HFM1: variants seen among roughly 807,000 people sequenced by gnomAD.
HFM1 encodes the protein probable ATP-dependent DNA helicase HFM1.
Under a neutral mutation model 192.1 loss-of-function variants are expected in HFM1, and 169 were observed. The observed-to-expected ratio is 0.88, with a 90% CI of 0.78 to 1.00. HFM1 has a LOEUF of 1.00. Ranked by LOEUF, HFM1 falls within the 50% of genes least tolerant of loss-of-function variation. The pLI, the probability that HFM1 is intolerant of heterozygous loss-of-function variation, is 0.00. For missense variants in HFM1, 1,661 were observed against 1,668.0 expected (o/e 1.00, Z 0.07); for synonymous variants, 525 against 537.8 (o/e 0.98, Z 0.33).
chr1:91,283,456 T>A lies in HFM1; in HGVS notation c.3392-6394A>T, dbSNP rs190829695. Among the ~76,000 whole-genome samples the A allele has an allele frequency of 2.7e-3, 414 of 152,230 alleles. 1 individual carries two copies. The highest frequency in any genetic ancestry group is 9.1e-3 in the African/African-American group (379 of 41,554). ...ACAGGGTTTGTAAAGACCAGCCATGTTGCCCAGGCTGGTCTCGAACCTGTA... is the reference window on the plus strand; with the variant it reads ...ACAGGGTTTGTAAAGACCAGCCATGATGCCCAGGCTGGTCTCGAACCTGTA... On this transcript the variant is annotated intron_variant, in intron 30 of 38. Coordinates refer to ENST00000370425, the MANE Select transcript of HFM1 (RefSeq NM_001017975.6).
In HFM1 at chr1:91,262,289, A is replaced by C. The variant is rs369277085; in HGVS notation, c.4190T>G (p.Val1397Gly). Residue 1397 changes from valine to glycine, a missense_variant, in exon 38 of 39, where the codon GTG becomes GGG. Val to Gly is a moderately radical substitution (Grantham distance 109). Coordinates refer to ENST00000370425, the MANE Select transcript of HFM1 (RefSeq NM_001017975.6). ...KNPNSSNYKK[V>G]DFFIRNSECK... The stretch of plus-strand genomic sequence containing the variant: ...TTCACTGTTTCTAATAAAAAAATCC[A>C]CTTTTTTATAATTTGAAGAATTTGG... The C allele has an allele frequency of 8.0e-5, 118 of 1,476,546 alleles. No individual in the cohort carries two copies. Among genetic ancestry groups the C allele is most frequent in the Non-Finnish European group, 1.1e-4 (115 of 1,078,810 alleles). 91.5% of individuals were successfully genotyped at this position (1,476,546 alleles called of 1,614,324 possible).
At chr1:91,310,291 A>G (rs902014898) in intron 30 of HFM1, among the ~76,000 whole-genome samples, 3 of 152,224 alleles carry the variant, frequency 2.0e-5, no homozygotes, top group African/African-American at 7.2e-5. Flanking sequence ...ATGGATGGAA[A>G]AAAAAACTAG....
chr1:91,302,125 T>A (rs372868534), intron 30 of HFM1, among the ~76,000 whole-genome samples: 1 of 150,344 alleles, frequency 6.7e-6, no homozygotes, highest in Admixed American at 6.7e-5. Context: ...TCGTGAAGGA[T>A]ATGAACAGAC....
At chr1:91,282,648 G>A (rs1209350371) in intron 30 of HFM1, among the ~76,000 whole-genome samples, 1 of 152,026 alleles carries the variant, frequency 6.6e-6, no homozygotes, top group African/African-American at 2.4e-5. Context: ...CTAATTCAAG[G>A]TAGTCTAATT....
In HFM1 at chr1:91,314,072, T is replaced by C. The variant is rs769870707; in HGVS notation, c.3141-12A>G. The C allele has an allele frequency of 2.6e-6, 4 of 1,533,328 alleles. No homozygotes were observed. The highest frequency in any genetic ancestry group is 1.8e-6 in the Non-Finnish European group (2 of 1,109,646). 95.0% of individuals were successfully genotyped at this position (1,533,328 alleles called of 1,614,324 possible). Reference sequence around the variant, plus strand: ...GCAAAACAGAATCCCTGAAAAATAGTATAGTTTAAATAGTGATCCAAACAC... The same window carrying C: ...GCAAAACAGAATCCCTGAAAAATAGCATAGTTTAAATAGTGATCCAAACAC... On this transcript the variant is annotated splice_polypyrimidine_tract_variant and intron_variant, in intron 28 of 38. Transcript: ENST00000370425.
Position 91,395,851 on chromosome 1 carries a change from CT to C in HFM1, c.184+441del, listed in dbSNP as rs1452773500. Among the ~76,000 whole-genome samples, 804 of 139,426 alleles carry C rather than the reference CT, an allele frequency of 5.8e-3. 1 individual carries two copies. The highest frequency in any genetic ancestry group is 5.7e-3 in the Non-Finnish European group (364 of 63,724). The allele number at this position is 139,426 out of a possible 152,430, so 91.5% of individuals were successfully genotyped here. A position where few individuals can be genotyped will look rare whatever the true frequency, so the allele number is the denominator to read the frequency against. ...TGATAATTTGCCTAACAGTTTATTA[CT>C]TTTTTTTTTTTTTTGAGACAGAGTC... On this transcript the variant is annotated intron_variant, in intron 3 of 38. Transcript: ENST00000370425.
intron 2 of HFM1, among the ~76,000 whole-genome samples, chr1:91,399,479 A>T (rs1276713220): frequency 3.3e-5 from 5 of 152,318 alleles, no homozygotes; most frequent in Middle Eastern, 3.4e-3. Context: ...CCCACAGTGA[A>T]TTATATCCAA....
intron 13 of HFM1, among the ~76,000 whole-genome samples, chr1:91,359,249 C>T (rs1361314466): frequency 6.6e-6 from 1 of 152,090 alleles, no homozygotes; most frequent in East Asian, 1.9e-4. Flanking sequence ...GGGCTGGAGG[C>T]TGAGATGGCT....
At chr1:91,329,439 T>C (rs1166868767) in intron 20 of HFM1, 20 of 1,570,482 alleles carry the variant, frequency 1.3e-5, no homozygotes, top group African/African-American at 4.1e-5. Flanking sequence ...TTCAGCTAAG[T>C]GCAAGGAGCC....
chr1:91,309,768 G>A (rs1650164587), intron 30 of HFM1, among the ~76,000 whole-genome samples: 1 of 152,032 alleles, frequency 6.6e-6, no homozygotes, highest in Non-Finnish European at 1.5e-5. Flanking sequence ...GATAAATTCT[G>A]CATCTCTGAA....
At position 91,385,791 on chromosome 1, in the gene HFM1, T is replaced by C. The variant is rs1472800706; in HGVS notation, c.538A>G (p.Asn180Asp). Residue 180 changes from asparagine (N) to aspartate (D), a missense_variant, in exon 5 of 39, where the codon AAT becomes GAT. Transcript: ENST00000370425. ...ATGTGAGAGTCCAATTCATTGTCATTAGAATAAGCACTCCCATGTATATTG... is the reference window on the plus strand; with the variant it reads ...ATGTGAGAGTCCAATTCATTGTCATCAGAATAAGCACTCCCATGTATATTG... ...SDNIHGSAYS[N>D]DNELDSHIGS... 1.9e-6 allele frequency: 3 copies of C among 1,607,346 alleles called. No individual in the cohort carries two copies. The highest frequency in any genetic ancestry group is 4.5e-5 in the East Asian group (2 of 44,788).
chr1:91,385,515 A>G (rs1282364579), intron 5 of HFM1, 60 bp downstream of exon 5: 1 of 1,344,312 alleles, frequency 7.4e-7, no homozygotes, highest in African/African-American at 1.5e-5. Context: ...ATTTTCCCCC[A>G]TGCTAAGAAA....
In HFM1 at chr1:91,324,740, A is replaced by C; in HGVS notation, c.2362T>G (p.Tyr788Asp). ...TTCTTCACTGTCTCAAATGTAATAT[A>C]ATACCAAGCCATCAATCTTCCTGCT... ...TEAGRLMAWYYITFETVKKFY... is the reference protein window; with the variant it reads ...TEAGRLMAWYDITFETVKKFY... The change falls in exon 21 of 39, where the codon TAT (tyrosine) becomes GAT (aspartate). Residue 788 changes from tyrosine to aspartate, a missense_variant. Physicochemically the swap from Tyr to Asp is radical, Grantham distance 160. Transcript: ENST00000370425. 1.9e-6 allele frequency: 3 copies of C among 1,573,488 alleles called. No homozygotes were observed. The highest frequency in any genetic ancestry group is 2.6e-6 in the Non-Finnish European group (3 of 1,143,362).
intron 30 of HFM1, among the ~76,000 whole-genome samples, chr1:91,295,930 T>C (rs2100983271): frequency 6.6e-6 from 1 of 152,190 alleles, no homozygotes; most frequent in African/African-American, 2.4e-5. Flanking sequence ...GACATACAAT[T>C]TTTTCTTTCT....
chr1:91,404,699 C>T (rs1264730611), intron 1 of HFM1, 99 bp downstream of exon 1: 4 of 377,656 alleles, frequency 1.1e-5, no homozygotes, highest in Non-Finnish European at 2.1e-5. Context: ...CTCTAGAGAT[C>T]GACCGCTGCC....
intron 34 of HFM1, among the ~76,000 whole-genome samples, chr1:91,272,447 T>C (rs1194284613): frequency 2.6e-5 from 4 of 152,062 alleles, no homozygotes; most frequent in Non-Finnish European, 5.9e-5. Context: ...GATGAGACTT[T>C]AATATCATAA....
chr1:91,379,213 C>A lies in HFM1; in HGVS notation c.1008G>T (p.Met336Ile). The change falls in exon 9 of 39, where the codon ATG becomes ATT. Residue 336 changes from methionine to isoleucine, a missense_variant and splice_region_variant. By Grantham distance (10) the Met-to-Ile change is conservative. Transcript: ENST00000370425. ...LPWLNIKIVY[M>I]APIKALCSQR... ...GACTGCACAAGGCTTTTATTGGTGC[C>A]ACTGTAACAATATAAAATATTTACT... 1 of 1,589,626 alleles carries A rather than the reference C, an allele frequency of 6.3e-7. No individual in the cohort carries two copies. The highest frequency in any genetic ancestry group is 1.2e-5 in the South Asian group (1 of 86,002).
intron 34 of HFM1, among the ~76,000 whole-genome samples, chr1:91,268,082 A>G (rs1422065951): frequency 2.0e-5 from 3 of 152,084 alleles, no homozygotes; most frequent in African/African-American, 4.8e-5. Flanking sequence ...ACTACTAAAC[A>G]GAGTTCTTGA....
upstream of HFM1, among the ~76,000 whole-genome samples, chr1:91,406,078 G>A (rs1664793632): frequency 1.3e-5 from 2 of 152,224 alleles, no homozygotes; most frequent in African/African-American, 4.8e-5. Flanking sequence ...GAGCCTTCAT[G>A]AGTAGGATTG....
Sources: gnomAD v4.1 joint callset for allele counts (sites outside exome capture counted in the v4.1 genomes callset) on GRCh38, gnomAD v4.1.1 for gene constraint, MANE v1.5 for transcripts, NCBI Gene and HGNC (gene_info 2026-07-23, HGNC 2026-07-21) for gene names.